The following TYMP variants were observed in gnomAD, a reference collection of about 807,000 sequenced individuals.
TYMP encodes the protein gliostatin.
A neutral mutation model predicts 42.3 loss-of-function variants in TYMP; 46 were observed. That is an observed-to-expected ratio of 1.09 (90% confidence interval 0.86 to 1.39). The LOEUF (loss-of-function observed/expected upper bound fraction) is 1.39. TYMP is among the 40% of genes most tolerant of loss of function. The pLI, the probability that TYMP is intolerant of heterozygous loss-of-function variation, is 0.00. For missense variants in TYMP, 837 were observed against 677.6 expected, an observed-to-expected ratio of 1.24 and a Z score of -2.61; for synonymous variants, 363 against 308.0, an observed-to-expected ratio of 1.18 and a Z score of -1.87.
chr22:50,526,618 C>A lies in TYMP; in HGVS notation c.886G>T (p.Gly296Cys). 1 of 1,578,614 alleles carries A rather than the reference C, an allele frequency of 6.3e-7. No individual in the cohort carries two copies. The highest frequency in any genetic ancestry group is 8.6e-7 in the Non-Finnish European group (1 of 1,163,682). The change falls in exon 7 of 10, where the codon GGC becomes TGC. Residue 296 changes from glycine to cysteine, a missense_variant. Gly to Cys is a radical substitution (Grantham distance 159). Coordinates refer to ENST00000252029, the MANE Select transcript of TYMP (RefSeq NM_001953.5). ...TCCCTTAAGTCTGGCGGGCCTGCGC[C>A]GTCCATGCAGAGCAGCGCCTCCTCC... ...EVEEALLCMDGAGPPDLRDLV... is the reference protein window; with the variant it reads ...EVEEALLCMDCAGPPDLRDLV...
At chr22:50,528,146 G>T (rs2069464055) in intron 4 of TYMP, 10 of 388,518 alleles carry the variant, frequency 2.6e-5, no homozygotes, top group Non-Finnish European at 4.4e-5. Context: ...TGAGTAGCTG[G>T]AACCACATGC....
intron 4 of TYMP, 65 bp downstream of exon 4, chr22:50,528,447 T>C (rs1219123592): frequency 5.1e-6 from 7 of 1,360,818 alleles, no homozygotes; most frequent in African/African-American, 1.4e-5. Flanking sequence ...AGTGATCTTT[T>C]AGTGATTCTG....
intron 6 of TYMP, 144 bp downstream of exon 6, chr22:50,527,021 G>T (rs530870588): frequency 1.3e-6 from 1 of 783,008 alleles, no homozygotes; most frequent in Non-Finnish European, 2.2e-6. Flanking sequence ...AAGCCGTGAA[G>T]GAGGGAGGGA....
rs369432373 is a variant in TYMP at position 50,526,701 on chromosome 22, G to C, written c.803C>G (p.Ala268Gly). 6.5e-7 allele frequency: 1 copy of C among 1,541,378 alleles called. No homozygotes were observed. Among genetic ancestry groups the C allele is most frequent in the Admixed American group, 2.0e-5 (1 of 51,196 alleles). ...GGGCTTGTCCATGGCGGTCAGCGCTGCCGCGACCCGAAGCCCTAGGCTGGC... is the reference window on the plus strand; with the variant it reads ...GGGCTTGTCCATGGCGGTCAGCGCTCCCGCGACCCGAAGCCCTAGGCTGGC... Reference protein sequence around the residue: ...VGASLGLRVAAALTAMDKPLG... With the variant: ...VGASLGLRVAGALTAMDKPLG... Residue 268 changes from alanine to glycine, a missense_variant, in exon 7 of 10, where the codon GCA (alanine) becomes GGA (glycine). By Grantham distance (60) the Ala-to-Gly change is moderately conservative. Transcript: ENST00000252029.
At chr22:50,528,010 C>T in intron 4 of TYMP, 1 of 425,440 alleles carries the variant, frequency 2.4e-6, no homozygotes, top group Admixed American at 4.0e-5. Context: ...CAACTGGGCT[C>T]CTCTGCCTCC....
At position 50,526,322 on chromosome 22, in the gene TYMP, G is replaced by A. The variant is rs770295738; in HGVS notation, c.1083C>T (p.Cys361=). 7.0e-6 allele frequency: 11 copies of A among 1,562,876 alleles called. No individual in the cohort carries two copies. Among genetic ancestry groups the A allele is most frequent in the South Asian group, 2.3e-5 (2 of 86,490 alleles). Reference sequence around the variant, plus strand: ...GCCGGCGTTCTGCGGGACTTCCCGAGCACAGGGCTCGGGCCAGACCGGGAT... The same window carrying A: ...GCCGGCGTTCTGCGGGACTTCCCGAACACAGGGCTCGGGCCAGACCGGGAT... ...GVDPGLARAL[C]SGSPAERRQL... is the part of the protein sequence containing the mutation. Residue 361 remains cysteine (C), a synonymous_variant, in exon 8 of 10, where the codon TGC becomes TGT. Transcript: ENST00000252029.
In TYMP at chr22:50,529,672, G is replaced by A. The variant is rs1461405847; in HGVS notation, c.38C>T (p.Pro13Leu). 1.1e-5 allele frequency: 18 copies of A among 1,611,966 alleles called. No homozygotes were observed. Among genetic ancestry groups the A allele is most frequent in the Non-Finnish European group, 1.4e-5 (16 of 1,179,676 alleles). The change falls in exon 2 of 10, where the codon CCC becomes CTC. Residue 13 changes from proline to leucine, a missense_variant. Physicochemically the swap from Pro to Leu is moderately conservative, Grantham distance 98. Coordinates refer to ENST00000252029, the MANE Select transcript of TYMP (RefSeq NM_001953.5). The stretch of plus-strand genomic sequence containing the variant: ...TTCCCCGGAGAAGTCACCAGGCGCG[G>A]GTGGGGCCCCGGTTCCCGGGGTCAT... The part of the protein sequence containing the change: ...ALMTPGTGAP[P>L]APGDFSGEGS...
intron 1 of TYMP, 64 bp downstream of exon 1, chr22:50,529,840 T>TGTGTCGCCCTCGTCC: frequency 1.2e-6 from 1 of 850,470 alleles, no homozygotes. Context: ...GTCCCGTGTC[T>TGTGTCGCCCTCGTCC]GTGTCGCCCT....
chr22:50,527,154 A>C lies in TYMP; in HGVS notation c.765+11T>G, dbSNP rs2069419349. On this transcript the variant is annotated intron_variant, in intron 6 of 9. Coordinates refer to ENST00000252029, the MANE Select transcript of TYMP (RefSeq NM_001953.5). ...CAAGACGCTTGCCCAGGGAAAGGCC[A>C]CACCGCTCACCAGCGTCTTTGCCAG... 1 of 1,608,580 alleles carries C rather than the reference A, an allele frequency of 6.2e-7. No individual in the cohort carries two copies. Among genetic ancestry groups the C allele is most frequent in the African/African-American group, 1.3e-5 (1 of 74,922 alleles).
chr22:50,526,399 C>G lies in TYMP; in HGVS notation c.1006G>C (p.Asp336His). The change falls in exon 8 of 10, where the codon GAC becomes CAC. Residue 336 changes from aspartate to histidine, a missense_variant. Physicochemically the swap from Asp to His is moderately conservative, Grantham distance 81. Transcript: ENST00000252029. ...TCGAAGCGGCCAAGGGCCGAGCCGT[C>G]GTCCAGCGCCGCGGCCACCCGGGCA... ...GAARVAAALD[D>H]GSALGRFERM... is the part of the protein sequence containing the mutation. The G allele has an allele frequency of 6.6e-7, 1 of 1,518,366 alleles. No homozygotes were observed. The highest frequency in any genetic ancestry group is 8.7e-7 in the Non-Finnish European group (1 of 1,143,174). The allele number at this position is 1,518,366 out of a possible 1,614,324, so 94.1% of individuals were successfully genotyped here.
intron 7 of TYMP, 38 bp downstream of exon 7, chr22:50,526,538 C>G (rs1482565961): frequency 7.1e-6 from 11 of 1,545,164 alleles, no homozygotes; most frequent in Non-Finnish European, 9.6e-6. Flanking sequence ...GGAAGCACCC[C>G]CCGCCGCCTC....
chr22:50,527,937 G>GCTTTTTTTTTTCTT (rs2069456573), intron 4 of TYMP: 4 of 580,610 alleles, frequency 6.9e-6, no homozygotes, highest in South Asian at 4.2e-5. Flanking sequence ...ACCACACGCG[G>GCTTTTTTTTTTCTT]CTTTTTTTTT....
intron 3 of TYMP, 51 bp downstream of exon 3, chr22:50,529,085 T>A: frequency 6.3e-7 from 1 of 1,588,784 alleles, no homozygotes; most frequent in South Asian, 1.1e-5. Flanking sequence ...GATGGACTGG[T>A]TGCTGCATGT....
chr22:50,528,432 C>T, intron 4 of TYMP, 80 bp downstream of exon 4: 1 of 1,223,900 alleles, frequency 8.2e-7, no homozygotes, highest in Non-Finnish European at 1.2e-6. Context: ...CCCTAATGAT[C>T]CACCAGTGAT....
rs775857544 is a variant in TYMP at position 50,529,303 on chromosome 22, C to G, written c.250G>C (p.Asp84His). 6.2e-7 allele frequency: 1 copy of G among 1,613,438 alleles called. No individual in the cohort carries two copies. The highest frequency in any genetic ancestry group is 2.2e-5 in the East Asian group (1 of 44,876). ...GTCAGCACCGAGGTCTCCTCCAGAT[C>G]CATGCCCCGAAGTCGGATGGCCATC... ...MLMAIRLRGMDLEETSVLTQA... is the reference protein window; with the variant it reads ...MLMAIRLRGMHLEETSVLTQA... The change falls in exon 3 of 10, where the codon GAT (aspartate) becomes CAT (histidine). Residue 84 changes from aspartate (D) to histidine (H), a missense_variant. Physicochemically the swap from Asp to His is moderately conservative, Grantham distance 81. Transcript: ENST00000252029.
At chr22:50,529,848 C>T (rs1013218936) in intron 1 of TYMP, 56 bp downstream of exon 1, 5 of 809,600 alleles carry the variant, frequency 6.2e-6, no homozygotes, top group Non-Finnish European at 7.6e-6. Context: ...TCTGTGTCGC[C>T]CTCGTCCGTG....
intron 1 of TYMP, 49 bp downstream of exon 1, chr22:50,529,855 C>A: frequency 1.3e-6 from 1 of 758,462 alleles, no homozygotes; most frequent in Admixed American, 2.8e-5. Context: ...CGCCCTCGTC[C>A]GTGTCTGCCT....
rs2069368367 is a variant in TYMP at position 50,526,255 on chromosome 22, G to C, written c.1150C>G (p.Pro384Ala). 6.5e-7 allele frequency: 1 copy of C among 1,536,254 alleles called. No individual in the cohort carries two copies. The highest frequency in any genetic ancestry group is 8.7e-7 in the Non-Finnish European group (1 of 1,151,498). The change falls in exon 8 of 10, where the codon CCC becomes GCC. Residue 384 changes from proline (P) to alanine (A), a missense_variant. By Grantham distance (27) the Pro-to-Ala change is conservative (BLOSUM62 -1). Coordinates refer to ENST00000252029, the MANE Select transcript of TYMP (RefSeq NM_001953.5). ...RAREQEELLA[P>A]ADGTVELVRA... ...CTCCCCCGACGCTCACCATCTGCGG[G>C]CGCCAGCAGCTCCTCCTGCTCCCGG...
At position 50,528,931 on chromosome 22, in the gene TYMP, G is replaced by C; in HGVS notation, c.417+205C>G. On this transcript the variant is annotated intron_variant, in intron 3 of 9. Transcript: ENST00000252029. Reference sequence around the variant, plus strand: ...TCAGTGGATCTTTTTCCTGCTCCAAGGGGCCTGGTCTGGAGCCAGAGGGGC... The same window carrying C: ...TCAGTGGATCTTTTTCCTGCTCCAACGGGCCTGGTCTGGAGCCAGAGGGGC... 6.2e-6 allele frequency: 4 copies of C among 642,480 alleles called. 1 individual carries two copies. In the South Asian group the frequency reaches 7.2e-5, roughly 12 times the overall value. The allele number at this position is 642,480 out of a possible 1,614,324, so 39.8% of individuals were successfully genotyped here.
Sources: allele counts gnomAD v4.1 joint callset, GRCh38; gene constraint gnomAD v4.1.1; transcripts MANE v1.5; gene names NCBI Gene and HGNC (gene_info 2026-07-23, HGNC 2026-07-21).